Variants in CACNA1C observed in about 807,000 individuals in gnomAD.
CACNA1C encodes voltage-dependent L-type calcium channel subunit alpha-1C.
Under a neutral mutation model 229.0 loss-of-function variants are expected in CACNA1C, and 30 were observed. The ratio of observed to expected loss-of-function variants is 0.13; its 90% CI spans 0.10 to 0.18. The LOEUF is 0.18. Ranked by LOEUF, CACNA1C falls within the 10% of genes least tolerant of loss-of-function variation. The probability of loss-of-function intolerance (pLI) is 1.00; values close to 1 mark genes in which losing one functional copy is unlikely to be tolerated. For synonymous variants in CACNA1C, 1,114 were observed against 1,132.5 expected, an observed-to-expected ratio of 0.98 and a Z score of 0.33; for missense variants, 1,658 against 2,845.0, an observed-to-expected ratio of 0.58 and a Z score of 9.49.
chr12:2,185,809 G>T (rs933981651), intron 3 of CACNA1C, among the ~76,000 whole-genome samples: 10 of 152,164 alleles, frequency 6.6e-5, no homozygotes, highest in African/African-American at 2.2e-4. Context: ...CTGGGCAGAA[G>T]CGGCCTGGGA....
chr12:1,992,067 G>T, intron 1 of CACNA1C: 1 of 365,674 alleles, frequency 2.7e-6, no homozygotes, highest in South Asian at 2.7e-5. Context: ...GAGAAGGAAA[G>T]GGTCCTGGAG....
At chr12:2,428,003 C>T (rs186925214) in intron 3 of CACNA1C, among the ~76,000 whole-genome samples, 74 of 152,330 alleles carry the variant, frequency 4.9e-4, no homozygotes, top group African/African-American at 1.7e-3. Context: ...ATCAAACACT[C>T]GGCCTGTCGC....
At chr12:2,074,667 T>A (rs2062538588) in intron 1 of CACNA1C, among the ~76,000 whole-genome samples, 1 of 152,204 alleles carries the variant, frequency 6.6e-6, no homozygotes. Flanking sequence ...CTGCTGAAGA[T>A]GTTGCCCTTT....
intron 5 of CACNA1C, among the ~76,000 whole-genome samples, chr12:2,462,196 G>A (rs2099510631): frequency 2.4e-5 from 2 of 82,574 alleles, no homozygotes; most frequent in African/African-American, 4.2e-5. Context: ...CTGTCTGAAC[G>A]CCCTCGGCTC....
chr12:2,353,740 G>T (rs952850975), intron 3 of CACNA1C, among the ~76,000 whole-genome samples: 1 of 152,226 alleles, frequency 6.6e-6, no homozygotes, highest in Non-Finnish European at 1.5e-5. Flanking sequence ...GAGGCTGTCT[G>T]GGGGTGGGAG....
intron 7 of CACNA1C, among the ~76,000 whole-genome samples, chr12:2,494,596 A>G (rs1440903666): frequency 6.6e-6 from 1 of 152,188 alleles, no homozygotes; most frequent in African/African-American, 2.4e-5. Flanking sequence ...GAGGGGAGCA[A>G]ATGCTTCCCG....
intron 29 of CACNA1C, among the ~76,000 whole-genome samples, chr12:2,615,707 G>A (rs910789603): frequency 4.6e-5 from 7 of 152,206 alleles, no homozygotes; most frequent in Admixed American, 2.6e-4. Context: ...AGCCTGGCGC[G>A]GGAAGCAGTG....
chr12:2,438,206 A>ATGGTGG (rs1174096470), intron 3 of CACNA1C, among the ~76,000 whole-genome samples: 1 of 123,752 alleles, frequency 8.1e-6, no homozygotes, highest in Admixed American at 7.9e-5. Context: ...GGCGATGGTG[A>ATGGTGG]TGGTGGTGGT....
intron 39 of CACNA1C, chr12:2,676,715 A>ATGTATCAGT (rs2096836349): frequency 5.9e-6 from 1 of 169,548 alleles, no homozygotes; most frequent in Non-Finnish European, 1.3e-5. Flanking sequence ...CTGGAATCAA[A>ATGTATCAGT]TGTATCAGTT....
chr12:2,580,791 CAG>C (rs1414329677), intron 13 of CACNA1C, among the ~76,000 whole-genome samples: 2 of 152,212 alleles, frequency 1.3e-5, no homozygotes, highest in South Asian at 2.1e-4. Context: ...CCTGCCCACT[CAG>C]AGGACTCGTG....
intron 3 of CACNA1C, among the ~76,000 whole-genome samples, chr12:2,212,699 C>T (rs1258460802): frequency 6.6e-6 from 1 of 152,032 alleles, no homozygotes; most frequent in African/African-American, 2.4e-5. Flanking sequence ...TTGCCCCTTC[C>T]CCACTTCCTC....
Position 2,677,543 on chromosome 12 carries a change from C to T in CACNA1C, c.4957-190C>T, listed in dbSNP as rs1269461744. 7 of 671,020 alleles carry T rather than the reference C, an allele frequency of 1.0e-5. No homozygotes were observed. The highest frequency in any genetic ancestry group is 5.5e-5 in the East Asian group (2 of 36,488). 41.6% of individuals were successfully genotyped at this position (671,020 alleles called of 1,614,324 possible). A position where few individuals can be genotyped will look rare whatever the true frequency, so the allele number is the denominator to read the frequency against. On this transcript the variant is annotated intron_variant, in intron 40 of 46. Coordinates refer to ENST00000399655, the MANE Select transcript of CACNA1C (RefSeq NM_000719.7). This position sits in a 1 kb window ranked among gnomAD's most constrained non-coding sequence, Gnocchi z 7.4. Reference sequence around the variant, plus strand: ...TGAGCCTTCATCCCTCCTGGATGGGCGAGTGGATTGTTCCATCAGAGGGCA... The same window carrying T: ...TGAGCCTTCATCCCTCCTGGATGGGTGAGTGGATTGTTCCATCAGAGGGCA...
chr12:2,212,151 A>G (rs951592756), intron 3 of CACNA1C, among the ~76,000 whole-genome samples: 1 of 152,194 alleles, frequency 6.6e-6, no homozygotes, highest in African/African-American at 2.4e-5. Context: ...GTTCCAGGTT[A>G]TATGTTTTTA....
Position 2,493,140 on chromosome 12 carries a change from T to A in CACNA1C, c.917-50T>A, listed in dbSNP as rs1442500676. ...TCTCTGACTTCTTTCTCTGCCCACA[T>A]CTCTCCCTCCCTGCTGCTCCCGTCT... On this transcript the variant is annotated intron_variant, in intron 6 of 46. Coordinates refer to ENST00000399655, the MANE Select transcript of CACNA1C (RefSeq NM_000719.7). This position sits in a 1 kb window ranked among gnomAD's most constrained non-coding sequence, Gnocchi z 4.6. 1 of 1,513,576 alleles carries A rather than the reference T, an allele frequency of 6.6e-7. No homozygotes were observed. Among genetic ancestry groups the A allele is most frequent in the Admixed American group, 1.7e-5 (1 of 58,868 alleles). The allele number at this position is 1,513,576 out of a possible 1,614,324, so 93.8% of individuals were successfully genotyped here. A position where few individuals can be genotyped will look rare whatever the true frequency, so the allele number is the denominator to read the frequency against.
chr12:2,168,416 A>G (rs2096337170), intron 3 of CACNA1C, among the ~76,000 whole-genome samples: 1 of 152,168 alleles, frequency 6.6e-6, no homozygotes, highest in South Asian at 2.1e-4. Flanking sequence ...CCCATTAATG[A>G]CTTTACTTGG....
At chr12:1,996,870 G>A (rs2041049536) in intron 1 of CACNA1C, among the ~76,000 whole-genome samples, 1 of 152,018 alleles carries the variant, frequency 6.6e-6, no homozygotes, top group African/African-American at 2.4e-5. Context: ...ATGAATATAT[G>A]TGGAAAGAAA....
chr12:2,442,932 C>T (rs1359437863), intron 3 of CACNA1C, among the ~76,000 whole-genome samples: 1 of 152,230 alleles, frequency 6.6e-6, no homozygotes, highest in Non-Finnish European at 1.5e-5. Flanking sequence ...ACCTCCAACC[C>T]TAGGGATTAC....
At position 2,677,644 on chromosome 12, in the gene CACNA1C, AG is replaced by A; in HGVS notation, c.4957-86del. ...TGGGTGGAGGATGCCAGGGCCCTGG[AG>A]GGACAGGTCTTGGCCCGAGGCTGTG... On this transcript the variant is annotated intron_variant, in intron 40 of 46. Coordinates refer to ENST00000399655, the MANE Select transcript of CACNA1C (RefSeq NM_000719.7). This position sits in a 1 kb window ranked among gnomAD's most constrained non-coding sequence, Gnocchi z 7.4. The A allele has an allele frequency of 1.4e-6, 2 of 1,455,222 alleles. No homozygotes were observed. The highest frequency in any genetic ancestry group is 1.9e-6 in the Non-Finnish European group (2 of 1,064,464). The allele number at this position is 1,455,222 out of a possible 1,614,324, so 90.1% of individuals were successfully genotyped here.
intron 3 of CACNA1C, among the ~76,000 whole-genome samples, chr12:2,433,733 C>T (rs149014477): frequency 0.01 from 1,549 of 152,220 alleles, 32 homozygotes; most frequent in Non-Finnish European, 8.9e-3. Context: ...GATCGGCCTC[C>T]GTCTCGTTCC....
Sources: allele counts gnomAD v4.1 joint callset (sites outside exome capture counted in the v4.1 genomes callset), GRCh38; gene constraint gnomAD v4.1.1; non-coding constraint Gnocchi (gnomAD v3.1); transcripts MANE v1.5; gene names NCBI Gene and HGNC (gene_info 2026-07-23, HGNC 2026-07-21).